STARD9: variants seen among roughly 807,000 people sequenced by gnomAD.
The protein encoded by STARD9 is StAR related lipid transfer domain containing 9.
STARD9 carries 346 observed loss-of-function variants against 399.8 expected under a neutral mutation model. That is an observed-to-expected ratio of 0.87 (90% CI 0.79 to 0.95). STARD9 has a LOEUF of 0.95. Among genes scored for constraint, STARD9 ranks in the 40% least tolerant of loss-of-function variants. STARD9 has a pLI of 0.00. For missense variants in STARD9, 5,832 were observed against 5,667.5 expected (o/e 1.03, Z -0.93); for synonymous variants, 2,203 against 2,143.5 (o/e 1.03, Z -0.77).
rs947635823 is a variant in STARD9, at chr15:42,694,053, A to G, written c.12475A>G (p.Thr4159Ala). Residue 4159 changes from threonine to alanine, a missense_variant, in exon 23 of 33, where the codon ACT becomes GCT. Thr to Ala is a moderately conservative substitution (Grantham distance 58, BLOSUM62 0). Around this residue, in one of 2 missense-constraint regions of STARD9, gnomAD observed 5,828 missense variants for 5,651.1 expected, o/e 1.03. Transcript: ENST00000290607. The part of the protein sequence containing the change: ...QKGSPGGLDM[T>A]EEELGASGDL... The stretch of plus-strand genomic sequence containing the variant: ...GGGCTCACCTGGGGGGTTGGACATG[A>G]CTGAGGAGGAGCTGGGGGCCAGCGG... 128 of 1,536,268 alleles carry G rather than the reference A, an allele frequency of 8.3e-5. No individual in the cohort carries two copies. Among genetic ancestry groups the G allele is most frequent in the Non-Finnish European group, 1.1e-4 (126 of 1,146,612 alleles).
intron 11 of STARD9, 69 bp downstream of exon 11, chr15:42,662,960 C>T (rs987973470): frequency 1.7e-6 from 2 of 1,175,732 alleles, no homozygotes; most frequent in African/African-American, 1.5e-5. Flanking sequence ...CATTTTGTCG[C>T]AATAGGGTAG....
chr15:42,629,862 A>C (rs1274582566), intron 3 of STARD9: 3 of 152,104 alleles, frequency 2.0e-5, no homozygotes, highest in Admixed American at 6.6e-5. Context: ...CTTTTTCAAC[A>C]ATAGTTTAAA....
Position 42,691,384 on chromosome 15 carries a change from A to G in STARD9, c.9806A>G (p.Asp3269Gly). ...VSKILSQGFKDPATVSLRQNE... is the reference protein window; with the variant it reads ...VSKILSQGFKGPATVSLRQNE... Reference sequence around the variant, plus strand: ...AAGATTTTATCACAGGGCTTCAAAGACCCAGCCACTGTGTCCTTGAGGCAA... The same window carrying G: ...AAGATTTTATCACAGGGCTTCAAAGGCCCAGCCACTGTGTCCTTGAGGCAA... The change falls in exon 23 of 33, where the codon GAC becomes GGC. Residue 3269 changes from aspartate to glycine, a missense_variant. Physicochemically the swap from Asp to Gly is moderately conservative, Grantham distance 94. Around this residue, in one of 2 missense-constraint regions of STARD9, gnomAD observed 5,828 missense variants for 5,651.1 expected, o/e 1.03. Coordinates refer to ENST00000290607, the MANE Select transcript of STARD9 (RefSeq NM_020759.3). 1 of 1,537,060 alleles carries G rather than the reference A, an allele frequency of 6.5e-7. No individual in the cohort carries two copies. The highest frequency in any genetic ancestry group is 1.4e-5 in the African/African-American group (1 of 73,118).
At chr15:42,644,505 AT>A (rs1022819761) in intron 7 of STARD9, among the ~76,000 whole-genome samples, 3 of 152,002 alleles carry the variant, frequency 2.0e-5, no homozygotes, top group East Asian at 1.9e-4. Flanking sequence ...AAAAAAAAAA[AT>A]GTACATACAT....
At position 42,694,723 on chromosome 15, in the gene STARD9, C is replaced by T. The variant is rs939274837; in HGVS notation, c.12960C>T (p.Thr4320=). 11 of 1,536,758 alleles carry T rather than the reference C, an allele frequency of 7.2e-6. No homozygotes were observed. In the African/African-American group the frequency reaches 1.2e-4, roughly 17 times the overall value. The change falls in exon 24 of 33, where the codon ACC becomes ACT. Residue 4320 remains threonine, a splice_region_variant and synonymous_variant. Transcript: ENST00000290607. ...QQLRKDVVET[T]RSPESVSRSA... is the part of the protein sequence containing the mutation. ...TGAGGAAGGATGTTGTGGAGACCAC[C>T]AGGTAGTGTGGACCGAGAACCCTGC...
rs1470926244 is a variant in STARD9, at chr15:42,690,707, G to C, written c.9129G>C (p.Glu3043Asp). 6.5e-7 allele frequency: 1 copy of C among 1,537,224 alleles called. No individual in the cohort carries two copies. Among genetic ancestry groups the C allele is most frequent in the Non-Finnish European group, 8.7e-7 (1 of 1,146,898 alleles). ...EFRLTESSTC[E>D]PSTVAAVLSR... ...GGCTAACAGAGAGCAGCACTTGTGA[G>C]CCTTCTACTGTGGCTGCTGTCCTAT... The change falls in exon 23 of 33, where the codon GAG becomes GAC. Residue 3043 changes from glutamate to aspartate, a missense_variant. Physicochemically the swap from Glu to Asp is conservative, Grantham distance 45. Around this residue, in one of 2 missense-constraint regions of STARD9, gnomAD observed 5,828 missense variants for 5,651.1 expected, o/e 1.03. Transcript: ENST00000290607.
At chr15:42,593,260 T>C (rs1381515128) in intron 3 of STARD9, among the ~76,000 whole-genome samples, 1 of 152,150 alleles carries the variant, frequency 6.6e-6, no homozygotes, top group East Asian at 1.9e-4. Context: ...CTAACTTCCC[T>C]CCCTTCCTCC....
chr15:42,686,189 G>C lies in STARD9; in HGVS notation c.4611G>C (p.Arg1537Ser). 1 of 1,537,452 alleles carries C rather than the reference G, an allele frequency of 6.5e-7. No homozygotes were observed. The highest frequency in any genetic ancestry group is 2.4e-5 in the East Asian group (1 of 40,912). Reference sequence around the variant, plus strand: ...ATACTCTATTGCCAGTTGGCCCTAGGGTATCTAGCAATCTGAATCTCAACA... The same window carrying C: ...ATACTCTATTGCCAGTTGGCCCTAGCGTATCTAGCAATCTGAATCTCAACA... The part of the protein sequence containing the change: ...GGDTLLPVGP[R>S]VSSNLNLNNF... Residue 1537 changes from arginine (R) to serine (S), a missense_variant, in exon 23 of 33, where the codon AGG becomes AGC. By Grantham distance (110) the Arg-to-Ser change is moderately radical. This residue lies in a region of STARD9 where 5,828 missense variants were observed against 5,651.1 expected (regional missense o/e 1.03). Transcript: ENST00000290607.
rs1375651222 is a variant in STARD9 at position 42,718,244 on chromosome 15, GGGGGATAGAGGTGGAGGGTT to G, written c.13762+68_13762+87del. The G allele has an allele frequency of 6.2e-6, 9 of 1,446,858 alleles. No individual in the cohort carries two copies. In the African/African-American group the frequency reaches 1.1e-4, roughly 18 times the overall value. 89.6% of individuals were successfully genotyped at this position (1,446,858 alleles called of 1,614,324 possible). On this transcript the variant is annotated intron_variant, in intron 30 of 32. Transcript: ENST00000290607. ...CTGGTGTGCCCAGTGGGGTCTTGCT[GGGGGATAGAGGTGGAGGGTT>G]GGAGGCAGCCCTCTTTGGAGGCCAG...
intron 7 of STARD9, among the ~76,000 whole-genome samples, chr15:42,649,308 G>A (rs551002390): frequency 1.3e-5 from 2 of 152,246 alleles, no homozygotes; most frequent in African/African-American, 2.4e-5. Flanking sequence ...GATTACAGGC[G>A]TGAGCCACTG....
At chr15:42,582,180 C>G (rs1051221436) in intron 1 of STARD9, among the ~76,000 whole-genome samples, 1 of 152,170 alleles carries the variant, frequency 6.6e-6, no homozygotes, top group East Asian at 1.9e-4. Context: ...AGACCCCTGT[C>G]TCACTGTGTT....
At chr15:42,677,641 G>A (rs2060337666) in intron 20 of STARD9, among the ~76,000 whole-genome samples, 1 of 152,232 alleles carries the variant, frequency 6.6e-6, no homozygotes, top group Non-Finnish European at 1.5e-5. Flanking sequence ...ATGCATTGCA[G>A]CAGACAAAAC....
intron 3 of STARD9, among the ~76,000 whole-genome samples, chr15:42,626,255 TTCCTCTTCCTCTTCCTCCTCCTCTTCC>T (rs892873979): frequency 2.6e-5 from 4 of 151,804 alleles, no homozygotes; most frequent in Admixed American, 6.6e-5. Flanking sequence ...CTTCTTCCTC[TTCCTCTTCCTCTTCCTCCTCCTCTTCC>T]TCCTCTTCCT....
intron 16 of STARD9, chr15:42,671,940 C>T (rs916766187): frequency 1.3e-5 from 2 of 152,218 alleles, no homozygotes; most frequent in African/African-American, 4.8e-5. Flanking sequence ...TCACGCCCCG[C>T]TGGACTGCTG....
chr15:42,719,795 T>C lies in STARD9; in HGVS notation c.*221T>C. 1.9e-6 allele frequency: 1 copy of C among 536,216 alleles called. No individual in the cohort carries two copies. Among genetic ancestry groups the C allele is most frequent in the Non-Finnish European group, 3.3e-6 (1 of 301,080 alleles). The allele number at this position is 536,216 out of a possible 1,614,324, so 33.2% of individuals were successfully genotyped here. A position where few individuals can be genotyped will look rare whatever the true frequency, so the allele number is the denominator to read the frequency against. On this transcript the variant is annotated 3_prime_UTR_variant, in exon 33 of 33. Transcript: ENST00000290607. ...GTGCAGAGCAAACGGCCTGAGCTCC[T>C]GGCCCAGACTATCCAGAGTGAATGC...
At chr15:42,638,456 A>T (rs1595685941) in intron 6 of STARD9, among the ~76,000 whole-genome samples, 1 of 152,220 alleles carries the variant, frequency 6.6e-6, no homozygotes, top group Non-Finnish European at 1.5e-5. Flanking sequence ...CAGTGAGCCA[A>T]GATTGTGCCA....
At chr15:42,709,350 T>C (rs551510389) in intron 26 of STARD9, among the ~76,000 whole-genome samples, 2 of 151,966 alleles carry the variant, frequency 1.3e-5, no homozygotes, top group African/African-American at 2.4e-5. Context: ...TGAGCCATGA[T>C]TACATCATTG....
intron 9 of STARD9, among the ~76,000 whole-genome samples, chr15:42,658,921 AG>A (rs931815386): frequency 1.4e-4 from 22 of 152,126 alleles, no homozygotes; most frequent in African/African-American, 5.3e-4. Flanking sequence ...AGACCAGCCT[AG>A]CCAAGATGGT....
Position 42,619,022 on chromosome 15 carries a change from T to C in STARD9, c.235-15834T>C, listed in dbSNP as rs544139305. Among the ~76,000 whole-genome samples the C allele has an allele frequency of 2.0e-5, 3 of 152,348 alleles. No homozygotes were observed. In the East Asian group the frequency reaches 5.8e-4, roughly 29 times the overall value. ...TTATTCTTTATAACACATTTTGTTT[T>C]CTAGTCTGTTAATTTCAGTTTTTAC... On this transcript the variant is annotated intron_variant, in intron 3 of 32. Coordinates refer to ENST00000290607, the MANE Select transcript of STARD9 (RefSeq NM_020759.3).
Sources: allele counts gnomAD v4.1 joint callset (sites outside exome capture counted in the v4.1 genomes callset), GRCh38; gene constraint gnomAD v4.1.1; regional missense constraint gnomAD v4.1.1; transcripts MANE v1.5; gene names NCBI Gene and HGNC (gene_info 2026-07-23, HGNC 2026-07-21).